Variants in SYT3 observed in about 807,000 individuals in gnomAD.
SYT3 encodes the protein synaptotagmin 3.
SYT3 carries 25 observed loss-of-function variants against 50.6 expected under a neutral mutation model. That is an observed-to-expected ratio of 0.49 (90% CI 0.36 to 0.69). The LOEUF is 0.69. SYT3 is among the 30% of genes least tolerant of loss of function. The probability of loss-of-function intolerance (pLI) is 0.00; values close to 1 mark genes in which losing one functional copy is unlikely to be tolerated. For synonymous variants in SYT3, 323 were observed against 353.9 expected (o/e 0.91, Z 0.98); for missense variants, 589 against 793.6 (o/e 0.74, Z 3.10).
the SYT3 span, among the ~76,000 whole-genome samples, chr19:50,645,641 G>C: frequency 3.3e-5 from 5 of 152,188 alleles, no homozygotes; most frequent in Admixed American, 2.0e-4. Flanking sequence ...CACTTTGGGA[G>C]GCTGAGGCAG....
rs1984609669 is a variant in SYT3 at position 50,639,605 on chromosome 19, C to T, written c.-154+185G>A. ...AGGGGTGGGATACACCCAGGTGTTT[C>T]GGGACCCCCTTCCAGGGCCACGTGC... On this transcript the variant is annotated intron_variant, in intron 1 of 10. Transcript: ENST00000600079. This position sits in a 1 kb window ranked among gnomAD's most constrained non-coding sequence, Gnocchi z 4.6. 1.3e-5 allele frequency among the ~76,000 whole-genome samples: 2 copies of T among 151,984 alleles called. No individual in the cohort carries two copies. The highest frequency in any genetic ancestry group is 4.8e-5 in the African/African-American group (2 of 41,494).
In SYT3 at chr19:50,629,937, G is replaced by A. The variant is rs1348456734; in HGVS notation, c.909C>T (p.Ile303=). 2.5e-6 allele frequency: 4 copies of A among 1,614,048 alleles called. No homozygotes were observed. The East Asian group carries it at 8.9e-5, about 36-fold the overall frequency. The change falls in exon 5 of 11, where the codon ATC becomes ATT. Residue 303 remains isoleucine, a synonymous_variant. Coordinates refer to ENST00000600079, the MANE Select transcript of SYT3 (RefSeq NM_001160329.2). Reference sequence around the variant, plus strand: ...CATAGAGGTACCGCAGGGCGAAGCTGATACGGCCACAGGGTGCCCCTGTGC... The same window carrying A: ...CATAGAGGTACCGCAGGGCGAAGCTAATACGGCCACAGGGTGCCCCTGTGC... ...EAGTGAPCGR[I]SFALRYLYGS...
the SYT3 span, among the ~76,000 whole-genome samples, chr19:50,656,744 G>A: frequency 0.24 from 37,079 of 152,014 alleles, 5,493 homozygotes; most frequent in African/African-American, 0.41. Context: ...TAGAGGTCAG[G>A]AGTTTGAGAC....
the SYT3 span, among the ~76,000 whole-genome samples, chr19:50,650,638 T>A: frequency 6.6e-6 from 1 of 152,180 alleles, no homozygotes; most frequent in South Asian, 2.1e-4. Context: ...GCCACTGCAC[T>A]CCAGCCTGGG....
At chr19:50,656,043 T>G in the SYT3 span, 1 of 1,536,066 alleles carries the variant, frequency 6.5e-7, no homozygotes, top group Non-Finnish European at 8.7e-7. Context: ...GGGTTCTCTG[T>G]CCTCAGGAGC....
chr19:50,626,501 AGAG>A (rs1984069831), intron 6 of SYT3, among the ~76,000 whole-genome samples: 1 of 66,456 alleles, frequency 1.5e-5, no homozygotes, highest in Non-Finnish European at 3.8e-5. Context: ...GCCCAGAGAG[AGAG>A]GGGGGGGGAC....
chr19:50,641,712 G>A (rs543134992), upstream of SYT3, among the ~76,000 whole-genome samples: 7 of 152,122 alleles, frequency 4.6e-5, no homozygotes, highest in Non-Finnish European at 8.8e-5. Context: ...TGGGTGTGGT[G>A]ATGCATGCCT....
upstream of SYT3, among the ~76,000 whole-genome samples, chr19:50,643,040 A>G (rs1899867999): frequency 4.6e-5 from 7 of 152,016 alleles, no homozygotes; most frequent in Admixed American, 4.6e-4. Flanking sequence ...TCTGCCCAAG[A>G]TCACACATCT....
In SYT3 at chr19:50,632,742, AAG is replaced by A. The variant is rs1043815076; in HGVS notation, c.216_217del (p.Phe73ArgfsTer71). The A allele has an allele frequency of 1.9e-6, 3 of 1,563,650 alleles. No individual in the cohort carries two copies. The highest frequency in any genetic ancestry group is 2.6e-6 in the Non-Finnish European group (3 of 1,158,968). On this transcript the variant is annotated frameshift_variant, in exon 4 of 11. Transcript: ENST00000600079. LOFTEE classifies it high-confidence loss of function. This position sits in a 1 kb window ranked among gnomAD's most constrained non-coding sequence, Gnocchi z 4.7. ...CACCCAGCACAACTTCCAGGACACG[AAG>A]AGAGAGACACCCAGAAGGACAATGC...
chr19:50,632,511 C>A lies in SYT3; in HGVS notation c.449G>T (p.Ser150Ile), dbSNP rs1255615446. The change falls in exon 4 of 11, where the codon AGC becomes ATC. Residue 150 changes from serine to isoleucine, a missense_variant. Around this residue, in one of 2 missense-constraint regions of SYT3, gnomAD observed 316 missense variants for 354.3 expected, o/e 0.89. Transcript: ENST00000600079. The surrounding 1 kb of genome is among the most constrained non-coding windows in gnomAD (Gnocchi z 4.7). Reference protein sequence around the residue: ...PPFAELLEPGSLGGSDTPEPS... With the variant: ...PPFAELLEPGILGGSDTPEPS... Reference sequence around the variant, plus strand: ...CTCAGGGGTGTCAGAACCCCCCAGGCTGCCTGGCTCCAGCAGCTCAGCAAA... The same window carrying A: ...CTCAGGGGTGTCAGAACCCCCCAGGATGCCTGGCTCCAGCAGCTCAGCAAA... 2.5e-6 allele frequency: 4 copies of A among 1,610,684 alleles called. 1 individual carries two copies. The South Asian group carries it at 4.4e-5, about 18-fold the overall frequency.
In SYT3 at chr19:50,632,351, G is replaced by A. The variant is rs1291804872; in HGVS notation, c.609C>T (p.Pro203=). The change falls in exon 4 of 11, where the codon CCC becomes CCT. Residue 203 remains proline (P), a synonymous_variant. Transcript: ENST00000600079. This position sits in a 1 kb window ranked among gnomAD's most constrained non-coding sequence, Gnocchi z 4.7. ...GAGSGLLLLP[P]SGGGLPSAQS... is the part of the protein sequence containing the mutation. ...GGGCACTGGGCAAGCCCCCACCACT[G>A]GGGGGCAGCAGGAGCAACCCAGAGC... The A allele has an allele frequency of 6.2e-7, 1 of 1,608,402 alleles. No individual in the cohort carries two copies. The highest frequency in any genetic ancestry group is 1.3e-5 in the African/African-American group (1 of 74,792).
chr19:50,652,251 CCAAA>C, the SYT3 span, among the ~76,000 whole-genome samples: 30 of 152,136 alleles, frequency 2.0e-4, no homozygotes, highest in East Asian at 2.7e-3. Context: ...AAATTAGGGC[CCAAA>C]CAAAGTGCAC....
In SYT3 at chr19:50,637,446, G is replaced by C. The variant is rs1984533962; in HGVS notation, c.-15-20C>G. ...CTGGTCCTGTGTGTGGGAGGGATGG[G>C]GCAAGGGTGCAGATGGGAAACAGAA... is the stretch of plus-strand genomic sequence containing the variant. On this transcript the variant is annotated intron_variant, in intron 2 of 10. Transcript: ENST00000600079. The surrounding 1 kb of genome is among the most constrained non-coding windows in gnomAD (Gnocchi z 4.9). 1 of 1,573,594 alleles carries C rather than the reference G, an allele frequency of 6.4e-7. No individual in the cohort carries two copies. Among genetic ancestry groups the C allele is most frequent in the African/African-American group, 1.3e-5 (1 of 74,414 alleles).
chr19:50,629,459 C>A lies in SYT3; in HGVS notation c.1116G>T (p.Val372=). ...PVFNETFQFS[V]PLAELAQRKL... ...TGCGTTGGGCCAGCTCGGCCAGGGG[C>A]ACCGAGAATTGAAACGTCTCATTGA... Residue 372 remains valine, a synonymous_variant, in exon 6 of 11, where the codon GTG becomes GTT. Transcript: ENST00000600079. The A allele has an allele frequency of 1.2e-6, 2 of 1,614,064 alleles. No homozygotes were observed. Among genetic ancestry groups the A allele is most frequent in the Admixed American group, 3.3e-5 (2 of 60,010 alleles).
the SYT3 span, among the ~76,000 whole-genome samples, chr19:50,651,403 C>T: frequency 6.6e-6 from 1 of 152,116 alleles, no homozygotes; most frequent in African/African-American, 2.4e-5. Context: ...GAGAGCCTTC[C>T]CTGATTGCCC....
Position 50,625,901 on chromosome 19 carries a change from G to A in SYT3, c.1398C>T (p.Phe466=), listed in dbSNP as rs1321988959. The A allele has an allele frequency of 1.2e-6, 2 of 1,613,482 alleles. No individual in the cohort carries two copies. The highest frequency in any genetic ancestry group is 1.7e-6 in the Non-Finnish European group (2 of 1,179,842). ...SNLKAMDLTG[F]SDPYVKASLI... ...CCTCAGACCCAGGACCCTCACCTGAGAAGCCAGTGAGGTCCATCGCTTTGA... is the reference window on the plus strand; with the variant it reads ...CCTCAGACCCAGGACCCTCACCTGAAAAGCCAGTGAGGTCCATCGCTTTGA... Residue 466 remains phenylalanine (F), a synonymous_variant, in exon 7 of 11, where the codon TTC becomes TTT. Coordinates refer to ENST00000600079, the MANE Select transcript of SYT3 (RefSeq NM_001160329.2). The surrounding 1 kb of genome is among the most constrained non-coding windows in gnomAD (Gnocchi z 7.5).
chr19:50,656,996 GGA>G, the SYT3 span, among the ~76,000 whole-genome samples: 1 of 150,308 alleles, frequency 6.7e-6, no homozygotes, highest in African/African-American at 2.5e-5. Context: ...AGGAAGGAAG[GGA>G]GGGAGGGAAA....
At chr19:50,643,652 C>T (rs1021585784), upstream of SYT3, among the ~76,000 whole-genome samples, 1 of 151,976 alleles carries the variant, frequency 6.6e-6, no homozygotes, top group Non-Finnish European at 1.5e-5. Flanking sequence ...ATTCATTCAA[C>T]TCGATTCATG....
chr19:50,653,796 C>G, the SYT3 span, among the ~76,000 whole-genome samples: 1 of 147,944 alleles, frequency 6.8e-6, no homozygotes, highest in Admixed American at 6.8e-5. Flanking sequence ...CGGGCTGTGT[C>G]AGGTGACTTT....
Sources: gnomAD v4.1 joint callset for allele counts (sites outside exome capture counted in the v4.1 genomes callset) on GRCh38, gnomAD v4.1.1 for gene constraint, gnomAD v4.1.1 regional missense constraint, Gnocchi (gnomAD v3.1) non-coding constraint, MANE v1.5 for transcripts, NCBI Gene and HGNC (gene_info 2026-07-23, HGNC 2026-07-21) for gene names.